Variants in PIKFYVE observed in about 807,000 individuals in gnomAD.
PIKFYVE encodes 1-phosphatidylinositol 3-phosphate 5-kinase.
PIKFYVE carries 122 observed loss-of-function variants against 257.9 expected under a neutral mutation model. That is an observed-to-expected ratio of 0.47 (90% CI 0.41 to 0.55). The LOEUF (loss-of-function observed/expected upper bound fraction) is 0.55, where lower values mean the gene tolerates loss of function less well. Ranked by LOEUF, PIKFYVE falls within the 20% of genes least tolerant of loss-of-function variation. The probability of loss-of-function intolerance (pLI) is 0.00; values close to 1 mark genes in which losing one functional copy is unlikely to be tolerated. For synonymous variants in PIKFYVE, 892 were observed against 868.9 expected (o/e 1.03, Z -0.47); for missense variants, 2,160 against 2,536.6 (o/e 0.85, Z 3.19).
chr2:208,314,670 G>A (rs982993012), intron 14 of PIKFYVE, among the ~76,000 whole-genome samples: 5 of 152,280 alleles, frequency 3.3e-5, no homozygotes, highest in South Asian at 4.1e-4. Context: ...AGGCTGAGGC[G>A]GGAGGATCAC....
chr2:208,353,814 C>T, intron 39 of PIKFYVE, 84 bp from the exon 40 acceptor site: 1 of 1,503,708 alleles, frequency 6.7e-7, no homozygotes, highest in South Asian at 1.1e-5. Flanking sequence ...TATAAGGAGT[C>T]TTTCTGCCTT....
chr2:208,290,682 G>A (rs1692201513), intron 7 of PIKFYVE, among the ~76,000 whole-genome samples: 1 of 152,156 alleles, frequency 6.6e-6, no homozygotes, highest in South Asian at 2.1e-4. Context: ...AATTTTGTGA[G>A]GCACTGCTAG....
intron 20 of PIKFYVE, 141 bp from the exon 21 acceptor site, chr2:208,328,039 A>C: frequency 6.8e-7 from 1 of 1,478,292 alleles, no homozygotes; most frequent in South Asian, 1.2e-5. Context: ...CCTTATATTT[A>C]GTTTTCTGTA....
At chr2:208,279,007 A>G (rs1486406739) in intron 5 of PIKFYVE, among the ~76,000 whole-genome samples, 1 of 152,204 alleles carries the variant, frequency 6.6e-6, no homozygotes, top group Non-Finnish European at 1.5e-5. Context: ...TGGCTGAACT[A>G]ATTTACATTC....
At chr2:208,318,950 C>CA (rs57665157) in intron 16 of PIKFYVE, among the ~76,000 whole-genome samples, 58,479 of 108,248 alleles carry the variant, frequency 0.54, 17,069 homozygotes, top group East Asian at 0.9. Flanking sequence ...GACTCCGTCT[C>CA]AAAAAAAAAA....
At chr2:208,346,220 A>G in intron 34 of PIKFYVE, 73 bp downstream of exon 34, 2 of 1,219,308 alleles carry the variant, frequency 1.6e-6, no homozygotes, top group Non-Finnish European at 2.4e-6. Context: ...AAAATACATA[A>G]AAACAAATAA....
At chr2:208,323,317 G>T (rs1215091955) in intron 17 of PIKFYVE, among the ~76,000 whole-genome samples, 3 of 121,358 alleles carry the variant, frequency 2.5e-5, no homozygotes, top group African/African-American at 9.8e-5. Flanking sequence ...GTGTCCATGT[G>T]TTCTCATTGT....
At chr2:208,269,695 T>G in intron 1 of PIKFYVE, 1 of 248,092 alleles carries the variant, frequency 4.0e-6, no homozygotes, top group Non-Finnish European at 8.5e-6. Context: ...GTCCCCAAAC[T>G]GGCTGTATGG....
At chr2:208,319,066 C>T (rs914455353) in intron 16 of PIKFYVE, among the ~76,000 whole-genome samples, 1 of 151,878 alleles carries the variant, frequency 6.6e-6, no homozygotes, top group African/African-American at 2.4e-5. Context: ...TGCTGTGCTT[C>T]AGAATCACCA....
intron 1 of PIKFYVE, among the ~76,000 whole-genome samples, chr2:208,267,132 G>T (rs1688739947): frequency 6.6e-6 from 1 of 152,238 alleles, no homozygotes; most frequent in South Asian, 2.1e-4. Flanking sequence ...GTGTATACAT[G>T]ATTCATTATC....
rs527534387 is a variant in PIKFYVE at position 208,355,554 on chromosome 2, A to T, written c.*249A>T. On this transcript the variant is annotated 3_prime_UTR_variant, in exon 42 of 42. Coordinates refer to ENST00000264380, the MANE Select transcript of PIKFYVE (RefSeq NM_015040.4). ...TGAAAATTTTCTTAAGCTAAAATAC[A>T]GACATGTTTCAAAGGGCTAAAGTTG... 1 of 425,300 alleles carries T rather than the reference A, an allele frequency of 2.4e-6. No individual in the cohort carries two copies. Among genetic ancestry groups the T allele is most frequent in the East Asian group, 4.6e-5 (1 of 21,926 alleles). The allele number at this position is 425,300 out of a possible 1,614,324, so 26.3% of individuals were successfully genotyped here. A position where few individuals can be genotyped will look rare whatever the true frequency, so the allele number is the denominator to read the frequency against.
intron 38 of PIKFYVE, among the ~76,000 whole-genome samples, chr2:208,352,373 G>T (rs930799112): frequency 2.6e-5 from 4 of 151,980 alleles, no homozygotes; most frequent in South Asian, 2.1e-4. Flanking sequence ...AGTTATCATG[G>T]TTTATTACGT....
At chr2:208,321,965 T>C (rs1368431566) in intron 17 of PIKFYVE, among the ~76,000 whole-genome samples, 1 of 152,178 alleles carries the variant, frequency 6.6e-6, no homozygotes, top group East Asian at 1.9e-4. Context: ...ATATGATCTG[T>C]TGGGAAATTG....
rs1231401470 is a variant in PIKFYVE at position 208,344,497 on chromosome 2, A to G, written c.5028-614A>G. 4.6e-5 allele frequency among the ~76,000 whole-genome samples: 7 copies of G among 152,298 alleles called. No homozygotes were observed. In the East Asian group the frequency reaches 1.3e-3, roughly 29 times the overall value. On this transcript the variant is annotated intron_variant, in intron 32 of 41. Coordinates refer to ENST00000264380, the MANE Select transcript of PIKFYVE (RefSeq NM_015040.4). Reference sequence around the variant, plus strand: ...TAATAGTCATAATATATTAATAGGTAAGAAAGGTAAGAGAGTCAACCAAAT... The same window carrying G: ...TAATAGTCATAATATATTAATAGGTGAGAAAGGTAAGAGAGTCAACCAAAT...
At chr2:208,275,394 G>A (rs970863996) in intron 3 of PIKFYVE, among the ~76,000 whole-genome samples, 6 of 152,178 alleles carry the variant, frequency 3.9e-5, no homozygotes, top group Non-Finnish European at 1.5e-5. Context: ...GACTTCACAA[G>A]TTTTTGCCTG....
intron 15 of PIKFYVE, 143 bp from the exon 16 acceptor site, chr2:208,317,723 AG>A (rs1695710127): frequency 1.3e-6 from 1 of 746,338 alleles, no homozygotes. Flanking sequence ...GTTGGTTGAA[AG>A]GAAGTATTAT....
intron 7 of PIKFYVE, among the ~76,000 whole-genome samples, chr2:208,291,633 T>G (rs1482581229): frequency 6.6e-6 from 1 of 152,168 alleles, no homozygotes; most frequent in Non-Finnish European, 1.5e-5. Context: ...TTACCAGTTA[T>G]TGATTCAATT....
chr2:208,287,563 C>A (rs111275333), intron 6 of PIKFYVE, among the ~76,000 whole-genome samples: 1 of 151,690 alleles, frequency 6.6e-6, no homozygotes, highest in East Asian at 1.9e-4. Context: ...TGTGAGCCAC[C>A]GCGCCTGGCC....
chr2:208,290,523 A>G lies in PIKFYVE; in HGVS notation c.911+1705A>G, dbSNP rs77076555. ...TATAGTTTATCTACTCACCTACTGA[A>G]GGACATCTTGATTGCTTCTAAGTTT... is the stretch of plus-strand genomic sequence containing the variant. On this transcript the variant is annotated intron_variant, in intron 7 of 41. Coordinates refer to ENST00000264380, the MANE Select transcript of PIKFYVE (RefSeq NM_015040.4). Among the ~76,000 whole-genome samples, 512 of 152,356 alleles carry G rather than the reference A, an allele frequency of 3.4e-3. 3 individuals carry two copies. The highest frequency in any genetic ancestry group is 0.012 in the African/African-American group (495 of 41,592).
Sources: gnomAD v4.1 joint callset for allele counts (sites outside exome capture counted in the v4.1 genomes callset) on GRCh38, gnomAD v4.1.1 for gene constraint, MANE v1.5 for transcripts, NCBI Gene and HGNC (gene_info 2026-07-23, HGNC 2026-07-21) for gene names.